HSD11B1L: variants seen among roughly 807,000 people sequenced by gnomAD.
HSD11B1L encodes the protein hydroxysteroid 11-beta-dehydrogenase 1-like protein.
HSD11B1L carries 22 observed loss-of-function variants against 27.0 expected under a neutral mutation model. The ratio of observed to expected loss-of-function variants is 0.81; its 90% CI spans 0.58 to 1.16. The LOEUF (loss-of-function observed/expected upper bound fraction) is 1.16. Among genes scored for constraint, HSD11B1L ranks in the 50% most tolerant of loss-of-function variants. The pLI, the probability that HSD11B1L is intolerant of heterozygous loss-of-function variation, is 0.00. For synonymous variants in HSD11B1L, 187 were observed against 189.2 expected (o/e 0.99, Z 0.09); for missense variants, 372 against 401.8 (o/e 0.93, Z 0.63).
At position 5,687,368 on chromosome 19, in the gene HSD11B1L, G is replaced by T. The variant is rs770073014; in HGVS notation, c.495G>T (p.Ser165=). Residue 165 remains serine (S), a synonymous_variant, in exon 6 of 8, where the codon TCG becomes TCT. Transcript: ENST00000339423. The surrounding 1 kb of genome is among the most constrained non-coding windows in gnomAD (Gnocchi z 6.6). ...AGGGCTCCCTGGTGGTGGTGTCCTC[G>T]CTGCTCGGTGCGTGCACCCGGCCCC... ...DSKGSLVVVS[S]LLGRVPTSFS... 1.9e-6 allele frequency: 3 copies of T among 1,611,876 alleles called. No individual in the cohort carries two copies. Among genetic ancestry groups the T allele is most frequent in the Non-Finnish European group, 2.5e-6 (3 of 1,179,630 alleles).
Position 5,685,439 on chromosome 19 carries a change from T to C in HSD11B1L, c.204+320T>C, listed in dbSNP as rs2145551896. ...AAGAAGACAAAAATTAGGCCAGGCA[T>C]GGTGGCTCATGCCTGTAATCCTAGC... On this transcript the variant is annotated intron_variant, in intron 3 of 7. Coordinates refer to ENST00000339423, the MANE Select transcript of HSD11B1L (RefSeq NM_198706.3). The surrounding 1 kb of genome is among the most constrained non-coding windows in gnomAD (Gnocchi z 4.3). 2.3e-6 allele frequency: 1 copy of C among 425,684 alleles called. No individual in the cohort carries two copies. The highest frequency in any genetic ancestry group is 4.6e-6 in the Non-Finnish European group (1 of 219,660). The allele number at this position is 425,684 out of a possible 1,614,324, so 26.4% of individuals were successfully genotyped here.
rs1453443507 is a variant in HSD11B1L, at chr19:5,686,907, G to A, written c.324G>A (p.Leu108=). ...VQFALDKLGG[L]DYLVLNHIGG... ...CCGGCGTTTCTGGGCCAGGCGGGCT[G>A]GACTACCTCGTGCTGAACCACATCG... Residue 108 remains leucine, a synonymous_variant, in exon 5 of 8, where the codon CTG becomes CTA. Coordinates refer to ENST00000339423, the MANE Select transcript of HSD11B1L (RefSeq NM_198706.3). 1.3e-6 allele frequency: 2 copies of A among 1,550,252 alleles called. No individual in the cohort carries two copies. The highest frequency in any genetic ancestry group is 1.7e-6 in the Non-Finnish European group (2 of 1,147,538).
chr19:5,686,460 C>T lies in HSD11B1L; in HGVS notation c.249C>T (p.Tyr83=), dbSNP rs1440178548. 2.5e-6 allele frequency: 4 copies of T among 1,587,934 alleles called. No homozygotes were observed. Among genetic ancestry groups the T allele is most frequent in the Non-Finnish European group, 3.4e-6 (4 of 1,169,030 alleles). ...CRKLGAPKVF[Y]IAADMASPEA... ...AGCTGGGCGCCCCCAAGGTCTTCTA[C>T]ATCGCGGCGGACATGGCCTCCCCTG... is the stretch of plus-strand genomic sequence containing the variant. The change falls in exon 4 of 8, where the codon TAC becomes TAT. Residue 83 remains tyrosine, a synonymous_variant. Transcript: ENST00000339423.
intron 1 of HSD11B1L, chr19:5,684,476 A>G (rs1449801413): frequency 4.4e-6 from 2 of 450,574 alleles, no homozygotes; most frequent in Non-Finnish European, 8.0e-6. Context: ...GGTCTGTTTT[A>G]GTGGAGCGGA....
At chr19:5,683,039 G>A (rs1340512433) in intron 1 of HSD11B1L, among the ~76,000 whole-genome samples, 1 of 151,634 alleles carries the variant, frequency 6.6e-6, no homozygotes, top group Non-Finnish European at 1.5e-5. Context: ...ACAGGCATGT[G>A]CCAGCATGCC....
intron 1 of HSD11B1L, among the ~76,000 whole-genome samples, chr19:5,682,903 C>T (rs1443919468): frequency 1.3e-5 from 2 of 149,848 alleles, no homozygotes; most frequent in East Asian, 2.0e-4. Context: ...CTGCAATCTC[C>T]ACCCCGCTGG....
At position 5,685,736 on chromosome 19, in the gene HSD11B1L, TC is replaced by T. The variant is rs2054672579; in HGVS notation, c.204+618del. Reference sequence around the variant, plus strand: ...CTGGGTGACAGAGCGATACTCCATCTCAAAAAAAAGAAAAAAAAAAATTAGG... The same window carrying T: ...CTGGGTGACAGAGCGATACTCCATCTAAAAAAAAGAAAAAAAAAAATTAGG... On this transcript the variant is annotated intron_variant, in intron 3 of 7. Transcript: ENST00000339423. The surrounding 1 kb of genome is among the most constrained non-coding windows in gnomAD (Gnocchi z 4.3). 1 of 141,696 alleles carries T rather than the reference TC, an allele frequency of 7.1e-6. No individual in the cohort carries two copies. The highest frequency in any genetic ancestry group is 1.6e-5 in the Non-Finnish European group (1 of 64,088). 8.8% of individuals were successfully genotyped at this position (141,696 alleles called of 1,614,324 possible).
chr19:5,687,412 G>A lies in HSD11B1L; in HGVS notation c.502+37G>A. ...CGGCCCCGGCTCTGCGGGACGGGGA[G>A]TGGGGAGCTCGATGCGGGTGAGCCT... On this transcript the variant is annotated intron_variant, in intron 6 of 7. Coordinates refer to ENST00000339423, the MANE Select transcript of HSD11B1L (RefSeq NM_198706.3). The surrounding 1 kb of genome is among the most constrained non-coding windows in gnomAD (Gnocchi z 6.6). 6.2e-7 allele frequency: 1 copy of A among 1,606,098 alleles called. No homozygotes were observed. The highest frequency in any genetic ancestry group is 8.5e-7 in the Non-Finnish European group (1 of 1,178,286).
chr19:5,684,825 A>C lies in HSD11B1L; in HGVS notation c.-8A>C, dbSNP rs377450352. On this transcript the variant is annotated 5_prime_UTR_variant, in exon 2 of 8. Coordinates refer to ENST00000339423, the MANE Select transcript of HSD11B1L (RefSeq NM_198706.3). ...GTCCCCTGTCCCTCTGCAGGCCCACACAGGACCATGAAGGTGCTTCTCCTC... is the reference window on the plus strand; with the variant it reads ...GTCCCCTGTCCCTCTGCAGGCCCACCCAGGACCATGAAGGTGCTTCTCCTC... 6 of 1,613,594 alleles carry C rather than the reference A, an allele frequency of 3.7e-6. No individual in the cohort carries two copies. In the African/African-American group the frequency reaches 8.0e-5, roughly 22 times the overall value.
chr19:5,685,772 C>A lies in HSD11B1L; in HGVS notation c.205-644C>A, dbSNP rs1035725214. Among the ~76,000 whole-genome samples, 1 of 151,180 alleles carries A rather than the reference C, an allele frequency of 6.6e-6. No homozygotes were observed. The highest frequency in any genetic ancestry group is 6.6e-5 in the Admixed American group (1 of 15,164). On this transcript the variant is annotated intron_variant, in intron 3 of 7. Coordinates refer to ENST00000339423, the MANE Select transcript of HSD11B1L (RefSeq NM_198706.3). The surrounding 1 kb of genome is among the most constrained non-coding windows in gnomAD (Gnocchi z 4.3). The stretch of plus-strand genomic sequence containing the variant: ...AAAAAAAAAAATTAGGGCATGGTGG[C>A]GCGAGCATGTAGTCCCAGCTACATG...
chr19:5,686,931 C>G lies in HSD11B1L; in HGVS notation c.348C>G (p.Ile116Met). The G allele has an allele frequency of 6.4e-7, 1 of 1,553,284 alleles. No individual in the cohort carries two copies. Among genetic ancestry groups the G allele is most frequent in the Non-Finnish European group, 8.7e-7 (1 of 1,149,404 alleles). Residue 116 changes from isoleucine to methionine, a missense_variant, in exon 5 of 8, where the codon ATC becomes ATG. Coordinates refer to ENST00000339423, the MANE Select transcript of HSD11B1L (RefSeq NM_198706.3). ...TGGACTACCTCGTGCTGAACCACATCGGCGGCGCCCCGGCCGGCACGCGAG... is the reference window on the plus strand; with the variant it reads ...TGGACTACCTCGTGCTGAACCACATGGGCGGCGCCCCGGCCGGCACGCGAG... ...GGLDYLVLNH[I>M]GGAPAGTRAR...
rs755949999 is a variant in HSD11B1L, at chr19:5,687,245, T to G, written c.409-37T>G. On this transcript the variant is annotated intron_variant, in intron 5 of 7. Coordinates refer to ENST00000339423, the MANE Select transcript of HSD11B1L (RefSeq NM_198706.3). The surrounding 1 kb of genome is among the most constrained non-coding windows in gnomAD (Gnocchi z 6.6). ...TTCTGGCCCCGCCCTGCCCCTGGGC[T>G]CCGCCTCTGCCGGTGACTCGCGAGT... 63 of 1,605,098 alleles carry G rather than the reference T, an allele frequency of 3.9e-5. No homozygotes were observed. Among genetic ancestry groups the G allele is most frequent in the Non-Finnish European group, 5.0e-5 (59 of 1,175,658 alleles).
Position 5,688,307 on chromosome 19 carries a change from C to T in HSD11B1L, c.*362C>T. On this transcript the variant is annotated 3_prime_UTR_variant, in exon 8 of 8. Transcript: ENST00000339423. ...ATCTCCTGCCTGCGCCTTTAAGTCC[C>T]TGATTTATTCTTTCCATTCATTCCA... 4 of 889,656 alleles carry T rather than the reference C, an allele frequency of 4.5e-6. No individual in the cohort carries two copies. Among genetic ancestry groups the T allele is most frequent in the Non-Finnish European group, 6.7e-6 (4 of 597,358 alleles). The allele number at this position is 889,656 out of a possible 1,614,324, so 55.1% of individuals were successfully genotyped here.
chr19:5,686,905 C>T lies in HSD11B1L; in HGVS notation c.322C>T (p.Leu108=). 1.9e-6 allele frequency: 3 copies of T among 1,547,866 alleles called. No individual in the cohort carries two copies. Among genetic ancestry groups the T allele is most frequent in the Non-Finnish European group, 8.7e-7 (1 of 1,146,368 alleles). Residue 108 remains leucine (L), a synonymous_variant, in exon 5 of 8, where the codon CTG becomes TTG. Coordinates refer to ENST00000339423, the MANE Select transcript of HSD11B1L (RefSeq NM_198706.3). ...GACCGGCGTTTCTGGGCCAGGCGGG[C>T]TGGACTACCTCGTGCTGAACCACAT... is the stretch of plus-strand genomic sequence containing the variant. ...VQFALDKLGG[L]DYLVLNHIGG... is the part of the protein sequence containing the mutation.
At chr19:5,686,583 C>G in intron 4 of HSD11B1L, 56 bp downstream of exon 4, 1 of 1,381,430 alleles carries the variant, frequency 7.2e-7, no homozygotes. Context: ...GCCTTAGGGA[C>G]AGGACCAGAA....
In HSD11B1L at chr19:5,687,576, G is replaced by A. The variant is rs771141594; in HGVS notation, c.576G>A (p.Leu192=). The change falls in exon 7 of 8, where the codon CTG becomes CTA. Residue 192 remains leucine, a synonymous_variant. Transcript: ENST00000339423. The surrounding 1 kb of genome is among the most constrained non-coding windows in gnomAD (Gnocchi z 6.6). ...KFALDGFFGS[L]RRELDVQDVN... is the part of the protein sequence containing the mutation. ...CGCTGGACGGCTTCTTCGGCTCCCT[G>A]CGGCGGGAGCTGGACGTGCAGGACG... 1.8e-5 allele frequency: 29 copies of A among 1,599,064 alleles called. No individual in the cohort carries two copies. In the East Asian group the frequency reaches 6.3e-4, roughly 34 times the overall value.
rs1269827373 is a variant in HSD11B1L at position 5,687,887 on chromosome 19, C to G, written c.803C>G (p.Pro268Arg). The change falls in exon 8 of 8, where the codon CCG becomes CGG. Residue 268 changes from proline (P) to arginine (R), a missense_variant. Coordinates refer to ENST00000339423, the MANE Select transcript of HSD11B1L (RefSeq NM_198706.3). This position sits in a 1 kb window ranked among gnomAD's most constrained non-coding sequence, Gnocchi z 6.6. ...CTGTGCTTGCTCCGGCGCTGGCTAC[C>G]GCGCCCGCGGGCCTGGTTTATCCGC... Reference protein sequence around the residue: ...RLLCLLRRWLPRPRAWFIRQE... With the variant: ...RLLCLLRRWLRRPRAWFIRQE... The G allele has an allele frequency of 6.3e-7, 1 of 1,580,032 alleles. No individual in the cohort carries two copies. Among genetic ancestry groups the G allele is most frequent in the African/African-American group, 1.4e-5 (1 of 73,982 alleles).
chr19:5,685,667 G>A lies in HSD11B1L; in HGVS notation c.204+548G>A. On this transcript the variant is annotated intron_variant, in intron 3 of 7. Coordinates refer to ENST00000339423, the MANE Select transcript of HSD11B1L (RefSeq NM_198706.3). This position sits in a 1 kb window ranked among gnomAD's most constrained non-coding sequence, Gnocchi z 4.3. ...GCGGGAGAATTGCTGGAACCCGGGAGGTGGAGGTTGCAGTGAGCTGAGATC... is the reference window on the plus strand; with the variant it reads ...GCGGGAGAATTGCTGGAACCCGGGAAGTGGAGGTTGCAGTGAGCTGAGATC... 1 of 166,200 alleles carries A rather than the reference G, an allele frequency of 6.0e-6. No homozygotes were observed. Among genetic ancestry groups the A allele is most frequent in the Non-Finnish European group, 1.3e-5 (1 of 75,296 alleles). 10.3% of individuals were successfully genotyped at this position (166,200 alleles called of 1,614,324 possible). A position where few individuals can be genotyped will look rare whatever the true frequency, so the allele number is the denominator to read the frequency against.
chr19:5,684,041 T>G (rs1339319850), intron 1 of HSD11B1L: 1 of 484,302 alleles, frequency 2.1e-6, no homozygotes, highest in Admixed American at 3.5e-5. Context: ...CAATGGCAAA[T>G]CTCGGCACAC....
Sources: gnomAD v4.1 joint callset for allele counts (sites outside exome capture counted in the v4.1 genomes callset) on GRCh38, gnomAD v4.1.1 for gene constraint, Gnocchi (gnomAD v3.1) non-coding constraint, MANE v1.5 for transcripts, NCBI Gene and HGNC (gene_info 2026-07-23, HGNC 2026-07-21) for gene names.